DACH1: variants seen among roughly 807,000 people sequenced by gnomAD.
DACH1 encodes the protein dachshund family transcription factor 1, also known as dachshund homolog 1.
DACH1 carries 12 observed loss-of-function variants against 54.2 expected under a neutral mutation model. The observed-to-expected ratio is 0.22, with a 90% confidence interval of 0.14 to 0.36. DACH1 has a LOEUF of 0.36. Among genes scored for constraint, DACH1 ranks in the 10% least tolerant of loss-of-function variants. The pLI is 1.00. For synonymous variants in DACH1, 386 were observed against 366.2 expected (o/e 1.05, Z -0.62); for missense variants, 805 against 929.8 (o/e 0.87, Z 1.75).
intron 10 of DACH1, among the ~76,000 whole-genome samples, chr13:71,465,489 G>A (rs1315368686): frequency 6.6e-6 from 1 of 152,052 alleles, no homozygotes; most frequent in Non-Finnish European, 1.5e-5. Context: ...AATACAAAAA[G>A]AGGAAGCAGG....
chr13:71,510,755 A>G (rs764077468), intron 6 of DACH1, among the ~76,000 whole-genome samples: 1 of 151,992 alleles, frequency 6.6e-6, no homozygotes, highest in Non-Finnish European at 1.5e-5. Context: ...ATTACACAGC[A>G]ATGTTTTATC....
chr13:71,719,196 G>A (rs1258100573), intron 1 of DACH1, among the ~76,000 whole-genome samples: 3 of 152,182 alleles, frequency 2.0e-5, no homozygotes, highest in African/African-American at 7.2e-5. Context: ...GCATTTAAAA[G>A]AGGCTCCTTC....
intron 1 of DACH1, among the ~76,000 whole-genome samples, chr13:71,776,268 A>C (rs548911015): frequency 2.0e-5 from 3 of 152,242 alleles, no homozygotes; most frequent in Non-Finnish European, 4.4e-5. Context: ...ACCATTATGA[A>C]GTCACTTTTT....
At chr13:71,482,075 AT>A (rs1878086458) in intron 7 of DACH1, among the ~76,000 whole-genome samples, 1 of 152,206 alleles carries the variant, frequency 6.6e-6, no homozygotes, top group South Asian at 2.1e-4. Context: ...AATGAAATAC[AT>A]TTTAAGTTTA....
intron 6 of DACH1, among the ~76,000 whole-genome samples, chr13:71,523,384 T>A (rs1881736469): frequency 6.6e-6 from 1 of 152,178 alleles, no homozygotes; most frequent in African/African-American, 2.4e-5. Context: ...TGAGGTGAGC[T>A]GCTAAAAGGG....
chr13:71,618,221 G>A (rs970093980), intron 3 of DACH1, among the ~76,000 whole-genome samples: 4 of 151,938 alleles, frequency 2.6e-5, no homozygotes, highest in Non-Finnish European at 5.9e-5. Context: ...TTCTTATATT[G>A]AAGTGATCAT....
chr13:71,581,605 A>T (rs891626049), intron 3 of DACH1, among the ~76,000 whole-genome samples: 18 of 152,308 alleles, frequency 1.2e-4, no homozygotes, highest in African/African-American at 3.8e-4. Context: ...AAGAATGGTA[A>T]TATGTTTAAC....
At chr13:71,699,118 T>C (rs150592228) in intron 1 of DACH1, among the ~76,000 whole-genome samples, 2,516 of 152,268 alleles carry the variant, frequency 0.017, 35 homozygotes, top group African/African-American at 0.036. Context: ...TTCACAATTA[T>C]ATATAACTTG....
At chr13:71,518,362 T>C (rs770970320) in intron 6 of DACH1, among the ~76,000 whole-genome samples, 6 of 151,670 alleles carry the variant, frequency 4.0e-5, no homozygotes, top group Non-Finnish European at 7.4e-5. Flanking sequence ...CAAACCTTGA[T>C]TTTGAACTTC....
At chr13:71,612,407 G>T (rs559309826) in intron 3 of DACH1, among the ~76,000 whole-genome samples, 2 of 151,940 alleles carry the variant, frequency 1.3e-5, no homozygotes, top group African/African-American at 4.8e-5. Context: ...TGTCATCAAG[G>T]TCAACAAGAT....
At chr13:71,613,988 T>A (rs1875556340) in intron 3 of DACH1, among the ~76,000 whole-genome samples, 1 of 152,164 alleles carries the variant, frequency 6.6e-6, no homozygotes, top group Admixed American at 6.5e-5. Flanking sequence ...ACGCCCAGCA[T>A]CTGAGTTTGT....
chr13:71,541,358 G>A (rs1453128294), intron 6 of DACH1, among the ~76,000 whole-genome samples: 1 of 151,962 alleles, frequency 6.6e-6, no homozygotes, highest in African/African-American at 2.4e-5. Flanking sequence ...TTTATTGTAT[G>A]TTTGAGCTTA....
intron 2 of DACH1, among the ~76,000 whole-genome samples, chr13:71,645,424 C>A (rs182637129): frequency 2.0e-5 from 3 of 152,300 alleles, no homozygotes; most frequent in East Asian, 3.9e-4. Context: ...TAATTTCAAT[C>A]ATCTCATTTA....
chr13:71,739,527 CT>C (rs1884293894), intron 1 of DACH1, among the ~76,000 whole-genome samples: 2 of 151,994 alleles, frequency 1.3e-5, no homozygotes, highest in South Asian at 4.1e-4. Context: ...ATTTTACATT[CT>C]TTTTTCCTAT....
Position 71,795,006 on chromosome 13 carries a change from A to G in DACH1, c.848+70916T>C, listed in dbSNP as rs189118187. Among the ~76,000 whole-genome samples, 27 of 152,268 alleles carry G rather than the reference A, an allele frequency of 1.8e-4. No individual in the cohort carries two copies. In the East Asian group the frequency reaches 2.7e-3, roughly 15 times the overall value. On this transcript the variant is annotated intron_variant, in intron 1 of 10. Coordinates refer to ENST00000613252, the MANE Select transcript of DACH1 (RefSeq NM_080759.6). ...CCATAGCCAAAGAATGGTTAAAAGA[A>G]AATTTCAATAAACCATTATTGGAAG...
intron 2 of DACH1, among the ~76,000 whole-genome samples, chr13:71,636,931 T>TA (rs980202885): frequency 2.0e-5 from 3 of 152,160 alleles, no homozygotes; most frequent in African/African-American, 7.2e-5. Flanking sequence ...AGATTTTTTT[T>TA]AAAAATGGGC....
At chr13:71,576,901 T>C (rs1885564819) in intron 3 of DACH1, among the ~76,000 whole-genome samples, 1 of 152,152 alleles carries the variant, frequency 6.6e-6, no homozygotes, top group African/African-American at 2.4e-5. Context: ...TAAATGTCTC[T>C]TGCTTAAATG....
chr13:71,738,300 G>A (rs1244211007), intron 1 of DACH1, among the ~76,000 whole-genome samples: 1 of 152,054 alleles, frequency 6.6e-6, no homozygotes, highest in Non-Finnish European at 1.5e-5. Flanking sequence ...TGAGGAGAGA[G>A]GGGAATTTTG....
At chr13:71,771,356 A>AATAAATCT (rs1166700148) in intron 1 of DACH1, among the ~76,000 whole-genome samples, 1 of 150,158 alleles carries the variant, frequency 6.7e-6, no homozygotes, top group African/African-American at 2.5e-5. Context: ...TAAATAAATA[A>AATAAATCT]ATCTTTGCCA....
Sources: gnomAD v4.1 joint callset for allele counts (sites outside exome capture counted in the v4.1 genomes callset) on GRCh38, gnomAD v4.1.1 for gene constraint, MANE v1.5 for transcripts, NCBI Gene and HGNC (gene_info 2026-07-23, HGNC 2026-07-21) for gene names.